PLB1: variants seen among roughly 807,000 people sequenced by gnomAD.
PLB1 encodes phospholipase B1, membrane-associated.
In PLB1, 242 loss-of-function variants were observed where a neutral mutation model predicts 227.4. The observed-to-expected ratio is 1.06, with a 90% CI of 0.96 to 1.18. PLB1 has a LOEUF of 1.18. PLB1 is among the 50% of genes most tolerant of loss of function. The pLI is 0.00. For missense variants in PLB1, 1,858 were observed against 1,816.3 expected, an observed-to-expected ratio of 1.02 and a Z score of -0.42; for synonymous variants, 757 against 682.2, an observed-to-expected ratio of 1.11 and a Z score of -1.71.
chr2:28,534,532 A>G (rs1225589996), intron 9 of PLB1, among the ~76,000 whole-genome samples: 1 of 152,208 alleles, frequency 6.6e-6, no homozygotes, highest in Non-Finnish European at 1.5e-5. Flanking sequence ...TGGGACGTGA[A>G]ACACATCTCA....
chr2:28,526,035 C>A, intron 6 of PLB1, 90 bp downstream of exon 6: 2 of 1,436,980 alleles, frequency 1.4e-6, no homozygotes, highest in Non-Finnish European at 9.7e-7. Flanking sequence ...ATGGACACCA[C>A]CAGCCACTTT....
At chr2:28,588,188 A>G (rs1167250877) in intron 26 of PLB1, among the ~76,000 whole-genome samples, 1 of 152,018 alleles carries the variant, frequency 6.6e-6, no homozygotes, top group Non-Finnish European at 1.5e-5. Flanking sequence ...GACTCTACAC[A>G]CTATTTCTTT....
chr2:28,562,540 C>CAAAAAAAAAAAAACAAA (rs1676218618), intron 17 of PLB1, among the ~76,000 whole-genome samples: 1 of 42,606 alleles, frequency 2.3e-5, no homozygotes, highest in African/African-American at 1.1e-4. Context: ...GACTCTGTCT[C>CAAAAAAAAAAAAACAAA]AAAAAAAAAA....
chr2:28,508,321 G>A (rs144263093), intron 1 of PLB1, among the ~76,000 whole-genome samples: 1 of 152,254 alleles, frequency 6.6e-6, no homozygotes, highest in Non-Finnish European at 1.5e-5. Context: ...TACATTCAGA[G>A]GTCAACCCAG....
In PLB1 at chr2:28,603,986, T is replaced by C. The variant is rs1684288800; in HGVS notation, c.2795T>C (p.Leu932Pro). The C allele has an allele frequency of 6.2e-7, 1 of 1,614,144 alleles. No homozygotes were observed. Among genetic ancestry groups the C allele is most frequent in the African/African-American group, 1.3e-5 (1 of 74,954 alleles). Reference sequence around the variant, plus strand: ...TGCAGCGTTTTGTGTAACTGCGTTCTGACCCTGCGGGAGAACTCCCAAGAG... The same window carrying C: ...TGCAGCGTTTTGTGTAACTGCGTTCCGACCCTGCGGGAGAACTCCCAAGAG... The part of the protein sequence containing the change: ...QQASVLCNCV[L>P]TLRENSQELA... Residue 932 changes from leucine (L) to proline (P), a missense_variant, in exon 40 of 58, where the codon CTG (leucine) becomes CCG (proline). Transcript: ENST00000327757.
intron 44 of PLB1, among the ~76,000 whole-genome samples, chr2:28,615,683 G>C (rs1272376537): frequency 6.6e-6 from 1 of 152,174 alleles, no homozygotes; most frequent in African/African-American, 2.4e-5. Flanking sequence ...TTGTGAATCA[G>C]GCATTTCTTC....
At chr2:28,539,296 G>A in intron 11 of PLB1, 118 bp downstream of exon 11, 1 of 939,312 alleles carries the variant, frequency 1.1e-6, no homozygotes, top group Non-Finnish European at 1.7e-6. Flanking sequence ...GAGGCCAAAG[G>A]AGGCCGAGAA....
At chr2:28,613,116 G>T (rs1000616275) in intron 43 of PLB1, among the ~76,000 whole-genome samples, 3 of 151,948 alleles carry the variant, frequency 2.0e-5, no homozygotes, top group South Asian at 4.2e-4. Flanking sequence ...GTAGAGATGG[G>T]GTCTTGCTAT....
At position 28,602,025 on chromosome 2, in the gene PLB1, G is replaced by C. The variant is rs73922194; in HGVS notation, c.2673+61G>C. 948 of 1,418,804 alleles carry C rather than the reference G, an allele frequency of 6.7e-4. 6 individuals carry two copies. The African/African-American group carries it at 0.012, about 17-fold the overall frequency. 87.9% of individuals were successfully genotyped at this position (1,418,804 alleles called of 1,614,324 possible). A position where few individuals can be genotyped will look rare whatever the true frequency, so the allele number is the denominator to read the frequency against. ...AAGCATGGTGAGGGTGAAGGTGGAT[G>C]GGGGGAAAGAATGAGAGAAGAACCC... is the stretch of plus-strand genomic sequence containing the variant. On this transcript the variant is annotated intron_variant, in intron 38 of 57. Transcript: ENST00000327757.
intron 44 of PLB1, among the ~76,000 whole-genome samples, chr2:28,617,395 G>A (rs1376962470): frequency 6.6e-6 from 1 of 152,178 alleles, no homozygotes; most frequent in East Asian, 1.9e-4. Flanking sequence ...ACCCACCTGT[G>A]TAGGACTTCA....
At chr2:28,542,861 G>T (rs1362041812) in intron 13 of PLB1, among the ~76,000 whole-genome samples, 2 of 152,212 alleles carry the variant, frequency 1.3e-5, no homozygotes, top group Non-Finnish European at 1.5e-5. Flanking sequence ...TGGTTTAAGA[G>T]GGTGAGGAGA....
In PLB1 at chr2:28,529,421, C is replaced by T. The variant is rs1670710010; in HGVS notation, c.416+14C>T. The T allele has an allele frequency of 2.6e-6, 4 of 1,562,376 alleles. No individual in the cohort carries two copies. Among genetic ancestry groups the T allele is most frequent in the Non-Finnish European group, 2.6e-6 (3 of 1,133,186 alleles). On this transcript the variant is annotated intron_variant, in intron 7 of 57. Transcript: ENST00000327757. ...CGATGGTGCTGAGTAAGTTCCCTTT[C>T]TGTCTCTCTCTGAGGTTATGTGTTC...
At position 28,540,450 on chromosome 2, in the gene PLB1, A is replaced by G. The variant is rs774381269; in HGVS notation, c.774+9A>G. On this transcript the variant is annotated intron_variant, in intron 12 of 57. Coordinates refer to ENST00000327757, the MANE Select transcript of PLB1 (RefSeq NM_153021.5). ...TGCAGTGGTCTTATCAGGTGAGCCC[A>G]ACCTGGGATCCCAAGCTGCTGGCTC... is the stretch of plus-strand genomic sequence containing the variant. 3 of 1,613,268 alleles carry G rather than the reference A, an allele frequency of 1.9e-6. No individual in the cohort carries two copies. The highest frequency in any genetic ancestry group is 2.5e-6 in the Non-Finnish European group (3 of 1,179,520).
At position 28,589,756 on chromosome 2, in the gene PLB1, C is replaced by T. The variant is rs765828656; in HGVS notation, c.2002C>T (p.Leu668Phe). 1.9e-6 allele frequency: 3 copies of T among 1,613,614 alleles called. No homozygotes were observed. Among genetic ancestry groups the T allele is most frequent in the East Asian group, 4.5e-5 (2 of 44,900 alleles). ...SKSHSRAASA[L>F]WNNMLEPVGQ... is the part of the protein sequence containing the mutation. ...GTCTCACTCCCGAGCAGCCAGTGCT[C>T]TCTGGAACAATATGGTAAGTGGCTG... is the stretch of plus-strand genomic sequence containing the variant. Residue 668 changes from leucine to phenylalanine, a missense_variant, in exon 28 of 58, where the codon CTC becomes TTC. By Grantham distance (22) the Leu-to-Phe change is conservative. Coordinates refer to ENST00000327757, the MANE Select transcript of PLB1 (RefSeq NM_153021.5).
At position 28,632,943 on chromosome 2, in the gene PLB1, G is replaced by T; in HGVS notation, c.4003-1G>T. 1 of 1,613,432 alleles carries T rather than the reference G, an allele frequency of 6.2e-7. No homozygotes were observed. Among genetic ancestry groups the T allele is most frequent in the Non-Finnish European group, 8.5e-7 (1 of 1,179,402 alleles). On this transcript the variant is annotated splice_acceptor_variant, in intron 55 of 57. Coordinates refer to ENST00000327757, the MANE Select transcript of PLB1 (RefSeq NM_153021.5). LOFTEE classifies it high-confidence loss of function. ...GATAACCTCCTTGCCGTTGGTTGCA[G>T]AGAGGGGACACTGACCTCACCTTCT... is the stretch of plus-strand genomic sequence containing the variant.
chr2:28,496,319 C>A (rs1666429077), intron 1 of PLB1, 150 bp downstream of exon 1: 1 of 834,076 alleles, frequency 1.2e-6, no homozygotes, highest in Non-Finnish European at 1.8e-6. Flanking sequence ...TCTGGTTTGC[C>A]TCCTGCGGAA....
At chr2:28,641,921 G>A (rs1230977273) in intron 57 of PLB1, among the ~76,000 whole-genome samples, 1 of 152,074 alleles carries the variant, frequency 6.6e-6, no homozygotes, top group East Asian at 1.9e-4. Context: ...GAGTCTGGAG[G>A]GAGGGTCACC....
chr2:28,549,472 G>A (rs1417603112), intron 15 of PLB1, among the ~76,000 whole-genome samples: 1 of 130,978 alleles, frequency 7.6e-6, no homozygotes, highest in African/African-American at 3.0e-5. Flanking sequence ...CTGGAGTGCA[G>A]TGGCACAATC....
chr2:28,537,766 G>A (rs1383544826), intron 9 of PLB1, among the ~76,000 whole-genome samples: 1 of 151,730 alleles, frequency 6.6e-6, no homozygotes, highest in East Asian at 1.9e-4. Context: ...TGTTGGGTGC[G>A]TGGGAGATGT....
Sources: gnomAD v4.1 joint callset for allele counts (sites outside exome capture counted in the v4.1 genomes callset) on GRCh38, gnomAD v4.1.1 for gene constraint, MANE v1.5 for transcripts, NCBI Gene and HGNC (gene_info 2026-07-23, HGNC 2026-07-21) for gene names.